UIMC1: variants seen among roughly 807,000 people sequenced by gnomAD.
The protein encoded by UIMC1 is BRCA1-A complex subunit RAP80.
In UIMC1, 42 loss-of-function variants were observed where a neutral mutation model predicts 84.9. The ratio of observed to expected loss-of-function variants is 0.49; its 90% CI spans 0.39 to 0.64. The LOEUF (loss-of-function observed/expected upper bound fraction) is 0.64, where lower values mean the gene tolerates loss of function less well. UIMC1 is among the 30% of genes least tolerant of loss of function. The pLI is 0.00. For synonymous variants in UIMC1, 281 were observed against 293.0 expected, an observed-to-expected ratio of 0.96 and a Z score of 0.42; for missense variants, 825 against 847.6, an observed-to-expected ratio of 0.97 and a Z score of 0.33.
At chr5:176,946,946 G>A (rs1765198037) in intron 9 of UIMC1, among the ~76,000 whole-genome samples, 1 of 152,176 alleles carries the variant, frequency 6.6e-6, no homozygotes, top group South Asian at 2.1e-4. Context: ...TAAAGTTGGT[G>A]GTGAATGGGC....
chr5:176,955,891 G>A lies in UIMC1; in HGVS notation c.1339+68C>T, dbSNP rs564305708. ...AGAGAGTAGGTTTGAAGAGTCAGAG[G>A]AAAATTAATAGGCATGAAAAGGTAA... On this transcript the variant is annotated intron_variant, in intron 8 of 14. Coordinates refer to ENST00000511320, the MANE Select transcript of UIMC1 (RefSeq NM_001199298.2). 6.7e-5 allele frequency: 100 copies of A among 1,489,572 alleles called. No individual in the cohort carries two copies. The South Asian group carries it at 1.1e-3, about 16-fold the overall frequency. The allele number at this position is 1,489,572 out of a possible 1,614,324, so 92.3% of individuals were successfully genotyped here. A position where few individuals can be genotyped will look rare whatever the true frequency, so the allele number is the denominator to read the frequency against.
At chr5:176,950,561 G>A (rs1482562191) in intron 9 of UIMC1, among the ~76,000 whole-genome samples, 1 of 151,586 alleles carries the variant, frequency 6.6e-6, no homozygotes, top group African/African-American at 2.4e-5. Context: ...TGTTTTGTTA[G>A]ACTCAACATT....
At chr5:176,938,290 G>A (rs1313759583) in intron 10 of UIMC1, among the ~76,000 whole-genome samples, 2 of 151,214 alleles carry the variant, frequency 1.3e-5, no homozygotes. Context: ...ACTAGGTTGG[G>A]AGCCTGGCCT....
upstream of UIMC1, among the ~76,000 whole-genome samples, chr5:177,007,154 A>C (rs1179410487): frequency 6.6e-6 from 1 of 152,030 alleles, no homozygotes; most frequent in Non-Finnish European, 1.5e-5. Flanking sequence ...CAGCCTGGTC[A>C]ACATAGAGAA....
chr5:176,994,544 T>C lies in UIMC1; in HGVS notation c.-8-11921A>G, dbSNP rs1236587858. ...AAAAAAAAAAAAAGTATAACTGTCA[T>C]GTAAGCCAGTCATTCTGTTGCAGGA... On this transcript the variant is annotated intron_variant, in intron 1 of 14. Coordinates refer to ENST00000511320, the MANE Select transcript of UIMC1 (RefSeq NM_001199298.2). Among the ~76,000 whole-genome samples the C allele has an allele frequency of 4.0e-5, 6 of 149,384 alleles. 1 individual carries two copies. The South Asian group carries it at 6.3e-4, about 16-fold the overall frequency.
intron 10 of UIMC1, among the ~76,000 whole-genome samples, chr5:176,921,561 ACCC>A (rs1314337650): frequency 2.6e-5 from 4 of 152,054 alleles, no homozygotes; most frequent in Non-Finnish European, 5.9e-5. Flanking sequence ...GTCATCATTA[ACCC>A]AGTTGCTTGG....
intron 10 of UIMC1, among the ~76,000 whole-genome samples, chr5:176,914,807 A>G (rs1402794761): frequency 1.3e-5 from 2 of 152,322 alleles, no homozygotes; most frequent in East Asian, 1.9e-4. Context: ...CAGAGATTTT[A>G]TAAGTAAAAT....
chr5:177,001,452 A>G (rs538162272), intron 1 of UIMC1: 7 of 152,324 alleles, frequency 4.6e-5, no homozygotes, highest in African/African-American at 1.7e-4. Context: ...CATAGTAAAC[A>G]TATCAATTCT....
intron 10 of UIMC1, among the ~76,000 whole-genome samples, chr5:176,941,616 T>C (rs1158061410): frequency 4.6e-5 from 7 of 152,240 alleles, no homozygotes; most frequent in Non-Finnish European, 1.0e-4. Flanking sequence ...CACATTTAAA[T>C]ACACCTAAGT....
chr5:176,925,940 A>C (rs1762338225), intron 10 of UIMC1, among the ~76,000 whole-genome samples: 2 of 152,238 alleles, frequency 1.3e-5, no homozygotes, highest in Non-Finnish European at 2.9e-5. Context: ...AAAATGAACC[A>C]ATATTCGCAA....
intron 1 of UIMC1, among the ~76,000 whole-genome samples, chr5:176,993,783 G>A (rs926914585): frequency 2.6e-5 from 4 of 152,198 alleles, no homozygotes. Context: ...TGAGGCAGGA[G>A]GATCACCTGA....
At position 176,911,790 on chromosome 5, in the gene UIMC1, G is replaced by C. The variant is rs528413750; in HGVS notation, c.1598-401C>G. Among the ~76,000 whole-genome samples the C allele has an allele frequency of 3.3e-5, 5 of 152,124 alleles. No homozygotes were observed. In the South Asian group the frequency reaches 1.0e-3, roughly 32 times the overall value. On this transcript the variant is annotated intron_variant, in intron 10 of 14. Coordinates refer to ENST00000511320, the MANE Select transcript of UIMC1 (RefSeq NM_001199298.2). Reference sequence around the variant, plus strand: ...TGAAATATAGTAATGATAGCCATCCGAGTGCCTACATGAGCTCCAATCTTT... The same window carrying C: ...TGAAATATAGTAATGATAGCCATCCCAGTGCCTACATGAGCTCCAATCTTT...
At chr5:177,007,971 G>C (rs559808495), upstream of UIMC1, among the ~76,000 whole-genome samples, 4 of 148,410 alleles carry the variant, frequency 2.7e-5, no homozygotes, top group Non-Finnish European at 4.5e-5. Context: ...TTGGCGTGGT[G>C]GTACATGCCA....
intron 11 of UIMC1, 109 bp from the exon 12 acceptor site, chr5:176,908,803 G>A (rs1218053403): frequency 1.7e-6 from 2 of 1,155,094 alleles, no homozygotes; most frequent in East Asian, 2.5e-5. Context: ...TTATTCTATG[G>A]AGGAGACATA....
intron 1 of UIMC1, among the ~76,000 whole-genome samples, chr5:177,001,196 G>C (rs532450516): frequency 2.7e-4 from 41 of 152,308 alleles, no homozygotes; most frequent in Admixed American, 1.6e-3. Context: ...TATGGCAAGA[G>C]ATGGAGGCCT....
chr5:176,958,707 A>C (rs915384365), intron 6 of UIMC1, among the ~76,000 whole-genome samples: 1 of 152,242 alleles, frequency 6.6e-6, no homozygotes, highest in Non-Finnish European at 1.5e-5. Flanking sequence ...TTTTGCTACA[A>C]ATCTGCCACT....
intron 9 of UIMC1, 141 bp from the exon 10 acceptor site, chr5:176,943,629 GAGAT>G (rs1764725666): frequency 9.6e-7 from 1 of 1,045,620 alleles, no homozygotes; most frequent in South Asian, 1.6e-5. Context: ...TAAAGATTGA[GAGAT>G]ACTACTGATA....
At chr5:176,921,759 A>C (rs1019077367) in intron 10 of UIMC1, among the ~76,000 whole-genome samples, 4 of 152,124 alleles carry the variant, frequency 2.6e-5, no homozygotes, top group Admixed American at 1.3e-4. Flanking sequence ...ACCCCTGCTT[A>C]GTCTCCTCAA....
intron 10 of UIMC1, among the ~76,000 whole-genome samples, chr5:176,913,759 T>C (rs1373079920): frequency 6.6e-6 from 1 of 152,190 alleles, no homozygotes; most frequent in Non-Finnish European, 1.5e-5. Context: ...GGCAGATCAC[T>C]TGAGACCAGG....
Sources: allele counts gnomAD v4.1 joint callset (sites outside exome capture counted in the v4.1 genomes callset), GRCh38; gene constraint gnomAD v4.1.1; transcripts MANE v1.5; gene names NCBI Gene and HGNC (gene_info 2026-07-23, HGNC 2026-07-21).